MTUS2: variants seen among roughly 807,000 people sequenced by gnomAD.
MTUS2 encodes microtubule associated scaffold protein 2.
In MTUS2, 40 loss-of-function variants were observed where a neutral mutation model predicts 114.1. The observed-to-expected ratio is 0.35, with a 90% CI of 0.27 to 0.46. The LOEUF is 0.46. Ranked by LOEUF, MTUS2 falls within the 20% of genes least tolerant of loss-of-function variation. The pLI, the probability that MTUS2 is intolerant of heterozygous loss-of-function variation, is 1.00. For missense variants in MTUS2, 1,679 were observed against 1,705.4 expected (o/e 0.98, Z 0.27); for synonymous variants, 688 against 672.0 (o/e 1.02, Z -0.37).
At chr13:29,372,371 G>T (rs9579365) in intron 8 of MTUS2, among the ~76,000 whole-genome samples, 30,950 of 152,008 alleles carry the variant, frequency 0.2, 3,255 homozygotes, top group Middle Eastern at 0.25. Flanking sequence ...GATAAGCCAA[G>T]CTCCATTGAA....
In MTUS2 at chr13:29,480,843, T is replaced by C. The variant is rs1185130744; in HGVS notation, c.3399+479T>C. Reference sequence around the variant, plus strand: ...AGAGAGAATAACAAGCAAACATGTATGTAGCACTCGTCCTACACCAGACAC... The same window carrying C: ...AGAGAGAATAACAAGCAAACATGTACGTAGCACTCGTCCTACACCAGACAC... On this transcript the variant is annotated intron_variant, in intron 10 of 15. Transcript: ENST00000612955. The surrounding 1 kb of genome is among the most constrained non-coding windows in gnomAD (Gnocchi z 4.4). Among the ~76,000 whole-genome samples, 3 of 152,312 alleles carry C rather than the reference T, an allele frequency of 2.0e-5. No homozygotes were observed. The highest frequency in any genetic ancestry group is 3.9e-4 in the East Asian group (2 of 5,178).
chr13:29,270,323 C>T (rs534047507), intron 5 of MTUS2, among the ~76,000 whole-genome samples: 1 of 152,136 alleles, frequency 6.6e-6, no homozygotes, highest in African/African-American at 2.4e-5. Context: ...AAGCACCCCC[C>T]TCAGGAGGAG....
chr13:28,978,578 A>T (rs1240897289), intron 2 of MTUS2, among the ~76,000 whole-genome samples: 3 of 152,342 alleles, frequency 2.0e-5, no homozygotes, highest in Non-Finnish European at 2.9e-5. Context: ...GTTATATTAG[A>T]ACTCAAACAA....
In MTUS2 at chr13:29,298,344, A is replaced by C. The variant is rs59810483; in HGVS notation, c.2806+16479A>C. ...ATTCCCTGGGAATAGGCTGCTACTC[A>C]GTAGGCTAAAGAAACTCTACTTGTG... is the stretch of plus-strand genomic sequence containing the variant. On this transcript the variant is annotated intron_variant, in intron 6 of 15. Coordinates refer to ENST00000612955, the MANE Select transcript of MTUS2 (RefSeq NM_001033602.4). 7.6e-3 allele frequency among the ~76,000 whole-genome samples: 1,161 copies of C among 152,338 alleles called. 14 individuals are homozygous for C. The highest frequency in any genetic ancestry group is 0.027 in the African/African-American group (1,107 of 41,584).
intron 2 of MTUS2, among the ~76,000 whole-genome samples, chr13:28,861,402 G>A (rs907808128): frequency 6.7e-6 from 1 of 149,532 alleles, no homozygotes; most frequent in African/African-American, 2.5e-5. Context: ...TAATGACTTT[G>A]TGTAGGCATG....
At chr13:29,136,872 C>A (rs1892001064) in intron 5 of MTUS2, among the ~76,000 whole-genome samples, 1 of 152,216 alleles carries the variant, frequency 6.6e-6, no homozygotes, top group African/African-American at 2.4e-5. Flanking sequence ...TGGCAACTGG[C>A]ATCTGATATG....
intron 11 of MTUS2, 58 bp from the exon 12 acceptor site, chr13:29,492,588 C>T: frequency 7.0e-7 from 1 of 1,430,314 alleles, no homozygotes; most frequent in Non-Finnish European, 9.8e-7. Context: ...CCAAAAGAGC[C>T]TTGTTTTATC....
chr13:29,201,970 C>T (rs1012769076), intron 5 of MTUS2, among the ~76,000 whole-genome samples: 2 of 152,118 alleles, frequency 1.3e-5, no homozygotes, highest in Non-Finnish European at 2.9e-5. Flanking sequence ...GTGAATCTGA[C>T]GATTATGTGT....
chr13:29,342,764 TC>T lies in MTUS2; in HGVS notation c.2906-16493del, dbSNP rs1329058348. Among the ~76,000 whole-genome samples the T allele has an allele frequency of 2.0e-5, 3 of 152,250 alleles. No homozygotes were observed. The East Asian group carries it at 5.8e-4, about 30-fold the overall frequency. On this transcript the variant is annotated intron_variant, in intron 7 of 15. Coordinates refer to ENST00000612955, the MANE Select transcript of MTUS2 (RefSeq NM_001033602.4). ...TTCTCAGAGGGAATGCTTTCAGCTT[TC>T]CCCCATTCAGTATAATGTTGGCTGT...
At chr13:29,152,441 T>C (rs552308495) in intron 5 of MTUS2, among the ~76,000 whole-genome samples, 1 of 152,300 alleles carries the variant, frequency 6.6e-6, no homozygotes, top group South Asian at 2.1e-4. Context: ...CAAATACTTA[T>C]TACTTTACAC....
intron 2 of MTUS2, among the ~76,000 whole-genome samples, chr13:28,851,980 T>C (rs1876305933): frequency 6.6e-6 from 1 of 152,146 alleles, no homozygotes; most frequent in Non-Finnish European, 1.5e-5. Flanking sequence ...CACACTTGCT[T>C]TCCATCACAC....
At chr13:29,319,343 C>A (rs1030395287) in intron 6 of MTUS2, among the ~76,000 whole-genome samples, 2 of 152,138 alleles carry the variant, frequency 1.3e-5, no homozygotes, top group African/African-American at 2.4e-5. Flanking sequence ...GGACTTCAAC[C>A]GCAGCGGCAG....
intron 5 of MTUS2, among the ~76,000 whole-genome samples, chr13:29,158,001 C>T (rs1460603236): frequency 6.6e-6 from 1 of 152,136 alleles, no homozygotes; most frequent in South Asian, 2.1e-4. Flanking sequence ...GGTGAAACAT[C>T]TCTGACTTTT....
intron 4 of MTUS2, among the ~76,000 whole-genome samples, chr13:29,074,287 A>G (rs561930530): frequency 1.3e-5 from 2 of 152,210 alleles, no homozygotes; most frequent in South Asian, 2.1e-4. Flanking sequence ...TTTATGACTC[A>G]GGTCAAGTTT....
At chr13:28,947,389 A>G (rs1172509118) in intron 2 of MTUS2, among the ~76,000 whole-genome samples, 1 of 152,224 alleles carries the variant, frequency 6.6e-6, no homozygotes, top group African/African-American at 2.4e-5. Context: ...AGAAAAGAAT[A>G]ATGCTTGAGA....
At chr13:28,828,398 G>A (rs1162213844) in intron 1 of MTUS2, among the ~76,000 whole-genome samples, 2 of 152,126 alleles carry the variant, frequency 1.3e-5, no homozygotes, top group African/African-American at 4.8e-5. Context: ...CTCAGCTTAT[G>A]AAGATGACAG....
chr13:29,267,614 C>T (rs576268236), intron 5 of MTUS2, among the ~76,000 whole-genome samples: 8 of 152,262 alleles, frequency 5.3e-5, no homozygotes, highest in South Asian at 2.1e-4. Flanking sequence ...GTTGTTCCAG[C>T]GGGCACATTA....
At chr13:29,440,633 A>G (rs1467440415) in intron 9 of MTUS2, among the ~76,000 whole-genome samples, 2 of 152,072 alleles carry the variant, frequency 1.3e-5, no homozygotes, top group South Asian at 4.2e-4. Context: ...CCATATTCTC[A>G]TTGCTTGATC....
Position 29,480,094 on chromosome 13 carries a change from C to T in MTUS2, c.3185-56C>T, listed in dbSNP as rs191470806. 1 of 1,521,864 alleles carries T rather than the reference C, an allele frequency of 6.6e-7. No individual in the cohort carries two copies. The highest frequency in any genetic ancestry group is 8.9e-7 in the Non-Finnish European group (1 of 1,122,990). The allele number at this position is 1,521,864 out of a possible 1,614,324, so 94.3% of individuals were successfully genotyped here. On this transcript the variant is annotated intron_variant, in intron 9 of 15. Transcript: ENST00000612955. The surrounding 1 kb of genome is among the most constrained non-coding windows in gnomAD (Gnocchi z 4.4). The stretch of plus-strand genomic sequence containing the variant: ...ATGATCTGACCATGGAGGCTGAGTC[C>T]TTCCCATGCCTCCTACGGCCATTTT...
Sources: allele counts gnomAD v4.1 joint callset (sites outside exome capture counted in the v4.1 genomes callset), GRCh38; gene constraint gnomAD v4.1.1; non-coding constraint Gnocchi (gnomAD v3.1); transcripts MANE v1.5; gene names NCBI Gene and HGNC (gene_info 2026-07-23, HGNC 2026-07-21).